The following PTPRR variants were observed in gnomAD, a reference collection of about 807,000 sequenced individuals.
The protein encoded by PTPRR is receptor-type tyrosine-protein phosphatase R.
PTPRR carries 38 observed loss-of-function variants against 77.2 expected under a neutral mutation model. The ratio of observed to expected loss-of-function variants is 0.49; its 90% CI spans 0.38 to 0.65. The LOEUF (loss-of-function observed/expected upper bound fraction) is 0.65, where lower values mean the gene tolerates loss of function less well. Ranked by LOEUF, PTPRR falls within the 30% of genes least tolerant of loss-of-function variation. The pLI, the probability that PTPRR is intolerant of heterozygous loss-of-function variation, is 0.00. For synonymous variants in PTPRR, 299 were observed against 283.1 expected, an observed-to-expected ratio of 1.06 and a Z score of -0.57; for missense variants, 744 against 799.2, an observed-to-expected ratio of 0.93 and a Z score of 0.83.
intron 6 of PTPRR, among the ~76,000 whole-genome samples, chr12:70,726,972 G>C (rs996912793): frequency 6.6e-6 from 1 of 151,942 alleles, no homozygotes; most frequent in Admixed American, 6.6e-5. Context: ...GGATGGCTAG[G>C]GGAGAGAAGG....
Position 70,823,156 on chromosome 12 carries a change from G to C in PTPRR, c.358-58378C>G, listed in dbSNP as rs977325354. On this transcript the variant is annotated intron_variant, in intron 2 of 13. Transcript: ENST00000283228. The stretch of plus-strand genomic sequence containing the variant: ...ACACACACACACACACACACACACA[G>C]AGTTGTCGTTTTTCTTTCTGAAATA... 8.5e-4 allele frequency among the ~76,000 whole-genome samples: 98 copies of C among 115,848 alleles called. 1 individual carries two copies. Among genetic ancestry groups the C allele is most frequent in the African/African-American group, 3.5e-3 (92 of 26,266 alleles). 76.0% of individuals were successfully genotyped at this position (115,848 alleles called of 152,430 possible).
chr12:70,671,132 A>G (rs1199654009), intron 10 of PTPRR, among the ~76,000 whole-genome samples: 1 of 152,192 alleles, frequency 6.6e-6, no homozygotes, highest in Admixed American at 6.5e-5. Flanking sequence ...GCTTAACACA[A>G]TTGAAAGTTG....
chr12:70,655,248 G>A (rs1886534393), intron 13 of PTPRR, among the ~76,000 whole-genome samples: 2 of 152,192 alleles, frequency 1.3e-5, no homozygotes, highest in Non-Finnish European at 2.9e-5. Flanking sequence ...AAAATAAAAT[G>A]TCAGTGAAGT....
At chr12:70,748,124 A>C (rs1464902810) in intron 5 of PTPRR, among the ~76,000 whole-genome samples, 1 of 152,196 alleles carries the variant, frequency 6.6e-6, no homozygotes, top group Admixed American at 6.5e-5. Context: ...CCGAAATGTC[A>C]GTAGTGTTGT....
intron 2 of PTPRR, among the ~76,000 whole-genome samples, chr12:70,776,208 T>C (rs929366915): frequency 2.1e-4 from 32 of 152,298 alleles, no homozygotes; most frequent in African/African-American, 7.7e-4. Flanking sequence ...GACTCTTCTT[T>C]CTTTATTCTT....
At chr12:70,819,781 C>T (rs552504866) in intron 2 of PTPRR, among the ~76,000 whole-genome samples, 44 of 152,274 alleles carry the variant, frequency 2.9e-4, no homozygotes, top group African/African-American at 1.0e-3. Flanking sequence ...TTATGCATTG[C>T]TTTTGGTCAA....
At chr12:70,871,435 C>T (rs1159361872) in intron 2 of PTPRR, among the ~76,000 whole-genome samples, 3 of 152,286 alleles carry the variant, frequency 2.0e-5, no homozygotes, top group East Asian at 1.9e-4. Flanking sequence ...CTCTTAGAGG[C>T]TATTCCAAAC....
intron 2 of PTPRR, among the ~76,000 whole-genome samples, chr12:70,821,083 T>A (rs1271386716): frequency 6.6e-6 from 1 of 152,056 alleles, no homozygotes; most frequent in Non-Finnish European, 1.5e-5. Flanking sequence ...AAAAGATTAA[T>A]GAAGAAAAAA....
chr12:70,747,896 T>C (rs1485581017), intron 5 of PTPRR, among the ~76,000 whole-genome samples: 1 of 152,176 alleles, frequency 6.6e-6, no homozygotes, highest in East Asian at 1.9e-4. Flanking sequence ...GTAGTTGTCA[T>C]GAAATTAAGC....
At chr12:70,814,980 G>A (rs865803995) in intron 2 of PTPRR, among the ~76,000 whole-genome samples, 10 of 151,936 alleles carry the variant, frequency 6.6e-5, no homozygotes, top group South Asian at 2.1e-4. Context: ...AACCAATAAT[G>A]CAGAGAAAAT....
intron 2 of PTPRR, among the ~76,000 whole-genome samples, chr12:70,804,924 T>A (rs1891682652): frequency 6.6e-6 from 1 of 152,170 alleles, no homozygotes; most frequent in African/African-American, 2.4e-5. Context: ...AAAAACAGTA[T>A]AAAGAAATAA....
chr12:70,841,926 C>T (rs1158881830), intron 2 of PTPRR, among the ~76,000 whole-genome samples: 2 of 152,122 alleles, frequency 1.3e-5, no homozygotes, highest in Non-Finnish European at 2.9e-5. Context: ...TTGTTATCTC[C>T]ATGGTGGTCT....
chr12:70,758,732 A>G (rs895221116), intron 4 of PTPRR, among the ~76,000 whole-genome samples: 2 of 152,144 alleles, frequency 1.3e-5, no homozygotes, highest in Admixed American at 6.5e-5. Flanking sequence ...TCTAAAGCAT[A>G]AGGGGTCTCT....
chr12:70,687,826 T>C (rs1887924600), intron 8 of PTPRR, among the ~76,000 whole-genome samples: 1 of 152,164 alleles, frequency 6.6e-6, no homozygotes, highest in Non-Finnish European at 1.5e-5. Context: ...TCAAAATTCC[T>C]CCTCAAGAGA....
chr12:70,764,572 A>G (rs1014662890), intron 3 of PTPRR, 93 bp downstream of exon 3: 2 of 1,032,162 alleles, frequency 1.9e-6, no homozygotes, highest in East Asian at 4.8e-5. Flanking sequence ...GATTTGGCTC[A>G]TTAGCCATAC....
chr12:70,800,268 CTT>C (rs1028252059), intron 2 of PTPRR, among the ~76,000 whole-genome samples: 3 of 148,270 alleles, frequency 2.0e-5, no homozygotes, highest in Non-Finnish European at 3.0e-5. Flanking sequence ...TGTTCTCTCT[CTT>C]TTTTTTTTTT....
chr12:70,837,766 T>C (rs1414358558), intron 2 of PTPRR, among the ~76,000 whole-genome samples: 1 of 152,048 alleles, frequency 6.6e-6, no homozygotes, highest in Non-Finnish European at 1.5e-5. Flanking sequence ...CCATTGGTGA[T>C]CAACATAACC....
intron 10 of PTPRR, among the ~76,000 whole-genome samples, chr12:70,674,003 A>G (rs1417007301): frequency 1.3e-5 from 2 of 152,080 alleles, no homozygotes; most frequent in African/African-American, 4.8e-5. Context: ...GCCCAATCAT[A>G]ACTCACCACA....
intron 1 of PTPRR, among the ~76,000 whole-genome samples, chr12:70,900,261 T>C (rs1893508148): frequency 6.6e-6 from 1 of 151,568 alleles, no homozygotes; most frequent in African/African-American, 2.4e-5. Context: ...TATAAAGCTA[T>C]AGTTATTGAG....
Sources: allele counts gnomAD v4.1 joint callset (sites outside exome capture counted in the v4.1 genomes callset), GRCh38; gene constraint gnomAD v4.1.1; transcripts MANE v1.5; gene names NCBI Gene and HGNC (gene_info 2026-07-23, HGNC 2026-07-21).